CEP44: variants seen among roughly 807,000 people sequenced by gnomAD.
CEP44 encodes centrosomal protein 44.
CEP44 carries 45 observed loss-of-function variants against 46.7 expected under a neutral mutation model. The ratio of observed to expected loss-of-function variants is 0.96; its 90% CI spans 0.76 to 1.24. The LOEUF (loss-of-function observed/expected upper bound fraction) is 1.24. Among genes scored for constraint, CEP44 ranks in the 50% most tolerant of loss-of-function variants. The pLI, the probability that CEP44 is intolerant of heterozygous loss-of-function variation, is 0.00. For synonymous variants in CEP44, 142 were observed against 146.0 expected, an observed-to-expected ratio of 0.97 and a Z score of 0.20; for missense variants, 475 against 459.7, an observed-to-expected ratio of 1.03 and a Z score of -0.30.
intron 4 of CEP44, among the ~76,000 whole-genome samples, chr4:174,303,379 G>A (rs1205854641): frequency 6.6e-6 from 1 of 152,060 alleles, no homozygotes; most frequent in Non-Finnish European, 1.5e-5. Context: ...ACTCTGGTAT[G>A]GTATTCTAGT....
Position 174,317,857 on chromosome 4 carries a change from T to G in CEP44, c.*474T>G. On this transcript the variant is annotated 3_prime_UTR_variant, in exon 12 of 12. Transcript: ENST00000503780. ...AACAGTTAAAAATGCTCATTGAAAATTAAATAAAACAAAAAGGCAGTTATT... is the reference window on the plus strand; with the variant it reads ...AACAGTTAAAAATGCTCATTGAAAAGTAAATAAAACAAAAAGGCAGTTATT... 2 of 985,726 alleles carry G rather than the reference T, an allele frequency of 2.0e-6. No individual in the cohort carries two copies. Among genetic ancestry groups the G allele is most frequent in the Non-Finnish European group, 2.4e-6 (2 of 829,850 alleles). 61.1% of individuals were successfully genotyped at this position (985,726 alleles called of 1,614,324 possible).
At chr4:174,285,209 A>C (rs1271102826) in intron 1 of CEP44, among the ~76,000 whole-genome samples, 1 of 152,200 alleles carries the variant, frequency 6.6e-6, no homozygotes, top group Non-Finnish European at 1.5e-5. Context: ...GAAAATGTTA[A>C]ATTTTTAAAA....
downstream of CEP44, among the ~76,000 whole-genome samples, chr4:174,323,894 C>T (rs185138595): frequency 6.6e-6 from 1 of 152,204 alleles, no homozygotes; most frequent in East Asian, 1.9e-4. Flanking sequence ...CTATTAATTA[C>T]TATGGTGACC....
rs554499725 is a variant in CEP44 at position 174,294,631 on chromosome 4, C to T, written c.-147-3335C>T. ...CCCAGTAGGGGCGGCCGGGCAGAGG[C>T]GCCCCTCACCTCCCAGACGGGGCGG... On this transcript the variant is annotated intron_variant, in intron 1 of 11. Transcript: ENST00000503780. 1.8e-3 allele frequency among the ~76,000 whole-genome samples: 275 copies of T among 148,980 alleles called. 1 individual carries two copies. The highest frequency in any genetic ancestry group is 6.2e-3 in the African/African-American group (251 of 40,590).
intron 1 of CEP44, among the ~76,000 whole-genome samples, chr4:174,289,020 T>G (rs1290996908): frequency 6.6e-6 from 1 of 152,214 alleles, no homozygotes; most frequent in Non-Finnish European, 1.5e-5. Flanking sequence ...CAGATGCCCA[T>G]GTGAGTTTTA....
intron 2 of CEP44, among the ~76,000 whole-genome samples, chr4:174,298,678 T>G (rs1447104593): frequency 2.6e-5 from 4 of 152,166 alleles, no homozygotes; most frequent in African/African-American, 9.7e-5. Flanking sequence ...TTTGTCTCCA[T>G]TTTTTATTGA....
downstream of CEP44, among the ~76,000 whole-genome samples, chr4:174,322,312 C>T (rs146349006): frequency 2.2e-4 from 33 of 152,164 alleles, no homozygotes; most frequent in East Asian, 5.6e-3. Flanking sequence ...CTTTCCATGA[C>T]TTTACAAATG....
intron 10 of CEP44, 90 bp downstream of exon 10, chr4:174,316,380 G>A: frequency 7.0e-7 from 1 of 1,427,166 alleles, no homozygotes; most frequent in Non-Finnish European, 9.8e-7. Flanking sequence ...AAGAAAAATA[G>A]CAAACGCGAA....
Position 174,331,713 on chromosome 4 carries a change from CT to C in CEP44, c.*122del. 7.5e-7 allele frequency: 1 copy of C among 1,330,914 alleles called. No homozygotes were observed. Among genetic ancestry groups the C allele is most frequent in the Non-Finnish European group, 1.0e-6 (1 of 997,728 alleles). The allele number at this position is 1,330,914 out of a possible 1,614,324, so 82.4% of individuals were successfully genotyped here. ...ACCAGCTTCCTCCTCAGCTCCAGCT[CT>C]TTTAATGGGCATATCAAAACTGATG... On this transcript the variant is annotated 3_prime_UTR_variant, in exon 9 of 9. Transcript: ENST00000426172. The surrounding 1 kb of genome is among the most constrained non-coding windows in gnomAD (Gnocchi z 4.5).
At chr4:174,303,963 T>C (rs1740063146) in intron 5 of CEP44, 114 bp downstream of exon 5, 1 of 770,150 alleles carries the variant, frequency 1.3e-6, no homozygotes, top group South Asian at 2.5e-5. Context: ...GTAATTACTG[T>C]ATTATTCAAA....
chr4:174,322,481 C>T (rs984685788), downstream of CEP44, among the ~76,000 whole-genome samples: 2 of 152,090 alleles, frequency 1.3e-5, no homozygotes, highest in Admixed American at 6.6e-5. Context: ...TTTAGATTCC[C>T]TGTTTATGCT....
At chr4:174,322,805 T>C (rs1158454376), downstream of CEP44, among the ~76,000 whole-genome samples, 1 of 152,196 alleles carries the variant, frequency 6.6e-6, no homozygotes, top group South Asian at 2.1e-4. Flanking sequence ...CATTTTAATG[T>C]CAACTTTATT....
At chr4:174,330,707 A>C (rs1416318986) in intron 8 of CEP44, among the ~76,000 whole-genome samples, 4 of 124,578 alleles carry the variant, frequency 3.2e-5, no homozygotes, top group Non-Finnish European at 6.9e-5. Context: ...TTTTAATTAA[A>C]AAGAAGCATT....
In CEP44 at chr4:174,287,658, CT is replaced by C. The variant is rs1737716803; in HGVS notation, c.-148+3717del. Among the ~76,000 whole-genome samples, 1 of 151,978 alleles carries C rather than the reference CT, an allele frequency of 6.6e-6. No homozygotes were observed. Among genetic ancestry groups the C allele is most frequent in the African/African-American group, 2.4e-5 (1 of 41,364 alleles). On this transcript the variant is annotated intron_variant, in intron 1 of 11. Transcript: ENST00000503780. This position sits in a 1 kb window ranked among gnomAD's most constrained non-coding sequence, Gnocchi z 5.1. ...GGTAAGTGGAATGTTTTGATTTTCC[CT>C]TCTGGTTATGATTTACATGTATTAA...
downstream of CEP44, among the ~76,000 whole-genome samples, chr4:174,323,196 C>T (rs1482987242): frequency 6.6e-6 from 1 of 150,758 alleles, no homozygotes; most frequent in African/African-American, 2.4e-5. Context: ...AAAAGAAATC[C>T]CTAAAGGCCA....
rs1296615500 is a variant in CEP44, at chr4:174,298,076, TATTC to T, written c.-51+18_-51+21del. 1 of 152,254 alleles carries T rather than the reference TATTC, an allele frequency of 6.6e-6. No homozygotes were observed. The highest frequency in any genetic ancestry group is 2.4e-5 in the African/African-American group (1 of 41,444). 9.4% of individuals were successfully genotyped at this position (152,254 alleles called of 1,614,324 possible). ...GTGCTCTGCTAGGTTGGTTATCCCTTATTCATTTGCTTTTCATTTTCCAAAATTT... is the reference window on the plus strand; with the variant it reads ...GTGCTCTGCTAGGTTGGTTATCCCTTATTTGCTTTTCATTTTCCAAAATTT... On this transcript the variant is annotated intron_variant, in intron 2 of 11. Transcript: ENST00000503780.
chr4:174,291,852 A>G (rs1235740425), intron 1 of CEP44, among the ~76,000 whole-genome samples: 1 of 123,682 alleles, frequency 8.1e-6, no homozygotes, highest in Non-Finnish European at 1.6e-5. Context: ...GTGCAGTGAC[A>G]TGATCTCAGC....
Position 174,290,385 on chromosome 4 carries a change from C to T in CEP44, c.-148+6442C>T, listed in dbSNP as rs1738057590. ...TCTATTATTGATTTCTAGTTTCATT[C>T]CCTCGTGATCAGACAAAATGTTTAG... On this transcript the variant is annotated intron_variant, in intron 1 of 11. Transcript: ENST00000503780. This position sits in a 1 kb window ranked among gnomAD's most constrained non-coding sequence, Gnocchi z 4.3. Among the ~76,000 whole-genome samples, 1 of 150,434 alleles carries T rather than the reference C, an allele frequency of 6.6e-6. No homozygotes were observed. The highest frequency in any genetic ancestry group is 2.4e-5 in the African/African-American group (1 of 41,218).
chr4:174,298,871 G>A (rs763013952), intron 2 of CEP44, among the ~76,000 whole-genome samples: 4 of 152,170 alleles, frequency 2.6e-5, no homozygotes, highest in African/African-American at 4.8e-5. Context: ...AAAACATGTA[G>A]GAGGGTAGGG....
Sources: gnomAD v4.1 joint callset for allele counts (sites outside exome capture counted in the v4.1 genomes callset) on GRCh38, gnomAD v4.1.1 for gene constraint, Gnocchi (gnomAD v3.1) non-coding constraint, MANE v1.5 for transcripts, NCBI Gene and HGNC (gene_info 2026-07-23, HGNC 2026-07-21) for gene names.